ASB3: variants seen among roughly 807,000 people sequenced by gnomAD.
ASB3 encodes ankyrin repeat and SOCS box containing 3.
A neutral mutation model predicts 54.5 loss-of-function variants in ASB3; 41 were observed. That is an observed-to-expected ratio of 0.75 (90% confidence interval 0.59 to 0.98). ASB3 has a LOEUF of 0.98. ASB3 is among the 50% of genes least tolerant of loss of function. The pLI, the probability that ASB3 is intolerant of heterozygous loss-of-function variation, is 0.00. For synonymous variants in ASB3, 266 were observed against 221.2 expected (o/e 1.20, Z -1.80); for missense variants, 733 against 620.0 (o/e 1.18, Z -1.94).
intron 7 of ASB3, among the ~76,000 whole-genome samples, chr2:53,704,392 A>T (rs1293711957): frequency 6.6e-6 from 1 of 151,720 alleles, no homozygotes; most frequent in African/African-American, 2.4e-5. Context: ...AAAATAACAT[A>T]TGATAGCTAT....
chr2:53,703,030 A>C (rs1669576385), intron 7 of ASB3, among the ~76,000 whole-genome samples: 1 of 152,186 alleles, frequency 6.6e-6, no homozygotes, highest in Admixed American at 6.5e-5. Flanking sequence ...CTATGAAACT[A>C]ATGTAATAAC....
At chr2:53,768,157 C>T in intron 1 of ASB3, 2 of 1,043,974 alleles carry the variant, frequency 1.9e-6, no homozygotes, top group South Asian at 3.6e-5. Context: ...GGTAACATTT[C>T]TGTAGATTTT....
intron 2 of ASB3, among the ~76,000 whole-genome samples, chr2:53,759,652 G>GAAGCAATCC: frequency 6.6e-6 from 1 of 152,304 alleles, no homozygotes; most frequent in Middle Eastern, 3.4e-3. Flanking sequence ...ACAGGGAAAG[G>GAAGCAATCC]CTGGGCAAAT....
chr2:53,748,671 A>G (rs1459100630), intron 3 of ASB3, among the ~76,000 whole-genome samples: 1 of 152,128 alleles, frequency 6.6e-6, no homozygotes, highest in Non-Finnish European at 1.5e-5. Flanking sequence ...AAATCGAAGG[A>G]TATTATACAA....
At chr2:53,758,575 T>A (rs557403224) in intron 2 of ASB3, among the ~76,000 whole-genome samples, 1 of 152,170 alleles carries the variant, frequency 6.6e-6, no homozygotes, top group Non-Finnish European at 1.5e-5. Context: ...AAAGGCAATA[T>A]TGGGCATGCT....
intron 1 of ASB3, among the ~76,000 whole-genome samples, chr2:53,773,959 C>T (rs1235144755): frequency 6.6e-6 from 1 of 152,016 alleles, no homozygotes; most frequent in Admixed American, 6.5e-5. Context: ...AGCTTGAACC[C>T]GGGAGGCTGA....
chr2:53,730,209 C>A (rs75755847), intron 3 of ASB3, among the ~76,000 whole-genome samples: 2 of 151,954 alleles, frequency 1.3e-5, no homozygotes, highest in African/African-American at 4.8e-5. Flanking sequence ...AATTTAAGCA[C>A]GAAGTTAATG....
In ASB3 at chr2:53,750,784, TA is replaced by T; in HGVS notation, c.353del (p.Leu118Ter). 1 of 1,549,922 alleles carries T rather than the reference TA, an allele frequency of 6.5e-7. No homozygotes were observed. The highest frequency in any genetic ancestry group is 8.7e-7 in the Non-Finnish European group (1 of 1,151,526). On this transcript the variant is annotated frameshift_variant and splice_region_variant, in exon 3 of 10. Coordinates refer to ENST00000263634, the MANE Select transcript of ASB3 (RefSeq NM_016115.5). LOFTEE classifies it high-confidence loss of function. ...CTGCACCACAAATAGCATACTTACC[TA>T]AAAACAATGGTGTCGTTTCTTCTAA... The part of the protein sequence containing the change: ...TTLEETTPLF[L>X]AVENGQIDVL...
At chr2:53,762,608 T>C (rs74947436) in intron 2 of ASB3, among the ~76,000 whole-genome samples, 15,374 of 152,238 alleles carry the variant, frequency 0.1, 1,028 homozygotes, top group Non-Finnish European at 0.15. Flanking sequence ...AATTATAAGA[T>C]TTTTAAGGGA....
intron 1 of ASB3, chr2:53,768,119 C>CT (rs1673622806): frequency 1.3e-5 from 18 of 1,378,292 alleles, no homozygotes; most frequent in Non-Finnish European, 1.6e-5. Flanking sequence ...CACCTTAGCG[C>CT]TTCATGGGGC....
rs1212560491 is a variant in ASB3, at chr2:53,671,698, G to GTGAAATTTAA, written c.1370-1009_1370-1008insTTAAATTTCA. ...TGCTTGAACCTGGGAGGCGGAGGTT[G>GTGAAATTTAA]CAGTGAGCCGAGATCATGCCACTGC... On this transcript the variant is annotated intron_variant, in intron 9 of 9. Coordinates refer to ENST00000263634, the MANE Select transcript of ASB3 (RefSeq NM_016115.5). Among the ~76,000 whole-genome samples, 49 of 114,028 alleles carry GTGAAATTTAA rather than the reference G, an allele frequency of 4.3e-4. 1 individual carries two copies. The highest frequency in any genetic ancestry group is 5.7e-4 in the Non-Finnish European group (28 of 49,514). 74.8% of individuals were successfully genotyped at this position (114,028 alleles called of 152,430 possible).
At position 53,679,978 on chromosome 2, in the gene ASB3, G is replaced by T. The variant is rs574685475; in HGVS notation, c.1370-9288C>A. Among the ~76,000 whole-genome samples the T allele has an allele frequency of 2.3e-4, 35 of 152,172 alleles. No homozygotes were observed. The South Asian group carries it at 7.3e-3, about 32-fold the overall frequency. The stretch of plus-strand genomic sequence containing the variant: ...CTCATCATTTTGCTCCCACTTATAA[G>T]TGGGAACATGTAGTACATGGTTTTC... On this transcript the variant is annotated intron_variant, in intron 9 of 9. Transcript: ENST00000263634.
intron 5 of ASB3, among the ~76,000 whole-genome samples, chr2:53,719,926 GA>G (rs1490174969): frequency 6.6e-6 from 1 of 152,098 alleles, no homozygotes; most frequent in African/African-American, 2.4e-5. Flanking sequence ...AAGCCAAAGG[GA>G]AAAGTCAAGC....
intron 7 of ASB3, among the ~76,000 whole-genome samples, chr2:53,712,991 A>C (rs1366039912): frequency 6.6e-6 from 1 of 152,204 alleles, no homozygotes; most frequent in Non-Finnish European, 1.5e-5. Context: ...TTATACATAA[A>C]GTGGGCCCCA....
chr2:53,720,723 A>C (rs1043752202), intron 5 of ASB3, among the ~76,000 whole-genome samples: 1 of 152,208 alleles, frequency 6.6e-6, no homozygotes, highest in African/African-American at 2.4e-5. Context: ...TCAACATTTG[A>C]CCAATTGGAC....
At chr2:53,687,068 T>C (rs969284346) in intron 9 of ASB3, among the ~76,000 whole-genome samples, 3 of 152,154 alleles carry the variant, frequency 2.0e-5, no homozygotes, top group Non-Finnish European at 2.9e-5. Flanking sequence ...AACTTTAAAA[T>C]AGTTTTAACA....
In ASB3 at chr2:53,673,634, T is replaced by C. The variant is rs556350471; in HGVS notation, c.1370-2944A>G. ...ACTGAGATGTGGCACATCAACAACATAGCTGTTGTTAACTAGATCTCAATG... is the reference window on the plus strand; with the variant it reads ...ACTGAGATGTGGCACATCAACAACACAGCTGTTGTTAACTAGATCTCAATG... On this transcript the variant is annotated intron_variant, in intron 9 of 9. Transcript: ENST00000263634. Among the ~76,000 whole-genome samples, 63 of 152,320 alleles carry C rather than the reference T, an allele frequency of 4.1e-4. No homozygotes were observed. In the South Asian group the frequency reaches 0.013, roughly 32 times the overall value.
At chr2:53,730,509 C>CGT (rs1671244758) in intron 3 of ASB3, among the ~76,000 whole-genome samples, 1 of 152,128 alleles carries the variant, frequency 6.6e-6, no homozygotes, top group Admixed American at 6.5e-5. Context: ...AAGGAACATA[C>CGT]GTGTGCATCC....
At chr2:53,743,957 C>T (rs7600817) in intron 3 of ASB3, among the ~76,000 whole-genome samples, 14,905 of 151,794 alleles carry the variant, frequency 0.098, 851 homozygotes, top group East Asian at 0.15. Context: ...GCACAAGAAT[C>T]CCTTGAACCC....
Sources: allele counts gnomAD v4.1 joint callset (sites outside exome capture counted in the v4.1 genomes callset), GRCh38; gene constraint gnomAD v4.1.1; transcripts MANE v1.5; gene names NCBI Gene and HGNC (gene_info 2026-07-23, HGNC 2026-07-21).